The following TRAPPC11 variants were observed in gnomAD, a reference collection of about 807,000 sequenced individuals.
The protein encoded by TRAPPC11 is trafficking protein particle complex subunit 11.
Under a neutral mutation model 151.2 loss-of-function variants are expected in TRAPPC11, and 104 were observed. The observed-to-expected ratio is 0.69, with a 90% CI of 0.59 to 0.81. The LOEUF (loss-of-function observed/expected upper bound fraction) is 0.81, where lower values mean the gene tolerates loss of function less well. TRAPPC11 is among the 30% of genes least tolerant of loss of function. TRAPPC11 has a pLI of 0.00. For synonymous variants in TRAPPC11, 456 were observed against 472.3 expected, an observed-to-expected ratio of 0.97 and a Z score of 0.45; for missense variants, 1,230 against 1,349.6, an observed-to-expected ratio of 0.91 and a Z score of 1.39.
chr4:183,661,452 A>G (rs982258298), intron 1 of TRAPPC11, among the ~76,000 whole-genome samples: 3 of 143,790 alleles, frequency 2.1e-5, no homozygotes, highest in South Asian at 2.1e-4. Flanking sequence ...GCTCACTGCA[A>G]GCTCCGCCTC....
At position 183,693,144 on chromosome 4, in the gene TRAPPC11, C is replaced by A. The variant is rs768000138; in HGVS notation, c.2234C>A (p.Thr745Lys). The A allele has an allele frequency of 5.6e-5, 88 of 1,583,534 alleles. No homozygotes were observed. Among genetic ancestry groups the A allele is most frequent in the Non-Finnish European group, 7.3e-5 (85 of 1,163,052 alleles). ...HWDSIIIQAS[T>K]MIISRVPNIS... ...GACAGCATTATAATTCAGGCAAGCACAATGTAAGTCTGCTTTGCTAAGCTG... is the reference window on the plus strand; with the variant it reads ...GACAGCATTATAATTCAGGCAAGCAAAATGTAAGTCTGCTTTGCTAAGCTG... Residue 745 changes from threonine (T) to lysine (K), a missense_variant, in exon 20 of 30, where the codon ACA (threonine) becomes AAA (lysine). Transcript: ENST00000334690.
chr4:183,684,898 A>G (rs1735886496), intron 15 of TRAPPC11, 57 bp downstream of exon 15: 13 of 1,516,196 alleles, frequency 8.6e-6, no homozygotes, highest in Non-Finnish European at 1.2e-5. Flanking sequence ...TAGCATCTTT[A>G]AGCTTTTTAA....
intron 29 of TRAPPC11, among the ~76,000 whole-genome samples, chr4:183,710,273 AG>A (rs1201304681): frequency 6.8e-6 from 1 of 147,616 alleles, no homozygotes; most frequent in Non-Finnish European, 1.5e-5. Context: ...TCACAAGGAA[AG>A]GTTCCAGAAA....
At chr4:183,708,359 C>T (rs1271421575) in intron 28 of TRAPPC11, 48 bp from the exon 29 acceptor site, 1 of 1,562,610 alleles carries the variant, frequency 6.4e-7, no homozygotes, top group Non-Finnish European at 8.7e-7. Flanking sequence ...ATAGATATTG[C>T]ACATATGTGT....
rs1736252858 is a variant in TRAPPC11, at chr4:183,691,413, CAAG to C, written c.1994_1996del (p.Arg665del). ...AAGATGTGCCTAGTTCCTGGCAAAA[CAAG>C]AAAACTGTTATTTAAGTTTGTTGCA... On this transcript the variant is annotated inframe_deletion, in exon 19 of 30. Coordinates refer to ENST00000334690, the MANE Select transcript of TRAPPC11 (RefSeq NM_021942.6). 6.5e-7 allele frequency: 1 copy of C among 1,542,712 alleles called. No homozygotes were observed. The highest frequency in any genetic ancestry group is 1.7e-5 in the Admixed American group (1 of 58,080).
At chr4:183,660,228 A>T (rs1734403021) in intron 1 of TRAPPC11, among the ~76,000 whole-genome samples, 2 of 152,252 alleles carry the variant, frequency 1.3e-5, no homozygotes, top group African/African-American at 4.8e-5. Flanking sequence ...ACTTTCTGAT[A>T]CAATTTTCGT....
intron 21 of TRAPPC11, 88 bp from the exon 22 acceptor site, chr4:183,693,829 G>A: frequency 6.3e-7 from 1 of 1,594,314 alleles, no homozygotes; most frequent in Non-Finnish European, 8.6e-7. Context: ...TTTACAAGAG[G>A]GTATGGCATA....
intron 7 of TRAPPC11, among the ~76,000 whole-genome samples, chr4:183,676,193 A>G (rs11930333): frequency 0.2 from 30,361 of 151,440 alleles, 3,145 homozygotes; most frequent in East Asian, 0.26. Flanking sequence ...CTTGTTGCCC[A>G]GGCTGGAGTG....
chr4:183,676,797 C>G (rs1361845685), intron 7 of TRAPPC11, among the ~76,000 whole-genome samples: 1 of 152,098 alleles, frequency 6.6e-6, no homozygotes, highest in Non-Finnish European at 1.5e-5. Flanking sequence ...TGGCATCTCC[C>G]TCTGTTACCT....
At chr4:183,706,976 A>C in intron 28 of TRAPPC11, 36 bp downstream of exon 28, 2 of 1,603,620 alleles carry the variant, frequency 1.2e-6, no homozygotes, top group Non-Finnish European at 1.7e-6. Flanking sequence ...ATGTTGACAC[A>C]AAAGTGTGCC....
Position 183,680,101 on chromosome 4 carries a change from T to A in TRAPPC11, c.966-19T>A. 3 of 1,594,524 alleles carry A rather than the reference T, an allele frequency of 1.9e-6. No individual in the cohort carries two copies. The highest frequency in any genetic ancestry group is 2.6e-6 in the Non-Finnish European group (3 of 1,171,694). On this transcript the variant is annotated intron_variant, in intron 9 of 29. Coordinates refer to ENST00000334690, the MANE Select transcript of TRAPPC11 (RefSeq NM_021942.6). ...TTTCTTTTCATTCCTCTTTATTTCT[T>A]GATTTTCTTTTCTTTAAGATTCCAG...
chr4:183,669,568 T>C lies in TRAPPC11; in HGVS notation c.560+1451T>C, dbSNP rs143544913. On this transcript the variant is annotated intron_variant, in intron 5 of 29. Coordinates refer to ENST00000334690, the MANE Select transcript of TRAPPC11 (RefSeq NM_021942.6). ...TTCATTAGAAAGCTGTTGTCCTCTG[T>C]GCTATACCCTGCTGTAATGACTCTT... Among the ~76,000 whole-genome samples the C allele has an allele frequency of 2.5e-3, 378 of 152,344 alleles. 1 individual carries two copies. The highest frequency in any genetic ancestry group is 0.014 in the Middle Eastern group (4 of 294).
chr4:183,707,790 G>C (rs1201068334), intron 28 of TRAPPC11, among the ~76,000 whole-genome samples: 10 of 152,142 alleles, frequency 6.6e-5, no homozygotes, highest in Admixed American at 3.3e-4. Context: ...ATTTACAAAT[G>C]AGTGAGCTTT....
chr4:183,660,070 G>A (rs1466770528), intron 1 of TRAPPC11, among the ~76,000 whole-genome samples: 1 of 152,148 alleles, frequency 6.6e-6, no homozygotes, highest in African/African-American at 2.4e-5. Flanking sequence ...TTCGTTGGTT[G>A]CTCCATTGGA....
rs766143826 is a variant in TRAPPC11 at position 183,694,669 on chromosome 4, T to G, written c.2574T>G (p.Ser858=). 1 of 1,610,310 alleles carries G rather than the reference T, an allele frequency of 6.2e-7. No homozygotes were observed. Among genetic ancestry groups the G allele is most frequent in the Non-Finnish European group, 8.5e-7 (1 of 1,179,114 alleles). Reference sequence around the variant, plus strand: ...CCAGAATGTTTCTTGTATATGTTTCTTACCTGATAAATACAACCGTTGAAG... The same window carrying G: ...CCAGAATGTTTCTTGTATATGTTTCGTACCTGATAAATACAACCGTTGAAG... ...VGSRMFLVYV[S]YLINTTVEEK... is the part of the protein sequence containing the mutation. The change falls in exon 23 of 30, where the codon TCT becomes TCG. Residue 858 remains serine (S), a synonymous_variant. Coordinates refer to ENST00000334690, the MANE Select transcript of TRAPPC11 (RefSeq NM_021942.6).
chr4:183,702,475 G>A (rs1404655609), intron 26 of TRAPPC11, among the ~76,000 whole-genome samples: 1 of 152,132 alleles, frequency 6.6e-6, no homozygotes, highest in African/African-American at 2.4e-5. Flanking sequence ...CTATATTTCA[G>A]TGAAATGAAT....
At chr4:183,671,554 A>C (rs1044279917) in intron 5 of TRAPPC11, among the ~76,000 whole-genome samples, 4 of 152,202 alleles carry the variant, frequency 2.6e-5, no homozygotes, top group Non-Finnish European at 5.9e-5. Flanking sequence ...TTAAGTATAC[A>C]GTAGTCCTCC....
chr4:183,693,762 G>T (rs760904788), intron 21 of TRAPPC11, 25 bp downstream of exon 21: 1 of 1,611,116 alleles, frequency 6.2e-7, no homozygotes, highest in South Asian at 1.1e-5. Flanking sequence ...TTGTAAGTTT[G>T]ATCAGTATTA....
chr4:183,679,376 C>T lies in TRAPPC11; in HGVS notation c.855C>T (p.His285=), dbSNP rs139419771. Reference sequence around the variant, plus strand: ...AGATCTGTAGGCTGTGTTTTCAACACAACACCCCATTGGATGCAATTGCTC... The same window carrying T: ...AGATCTGTAGGCTGTGTTTTCAACATAACACCCCATTGGATGCAATTGCTC... ...NYKICRLCFQ[H]NTPLDAIAQF... Residue 285 remains histidine, a synonymous_variant, in exon 9 of 30, where the codon CAC becomes CAT. Transcript: ENST00000334690. The T allele has an allele frequency of 3.8e-5, 62 of 1,610,908 alleles. No homozygotes were observed. In the East Asian group the frequency reaches 1.4e-3, roughly 36 times the overall value.
Sources: allele counts gnomAD v4.1 joint callset (sites outside exome capture counted in the v4.1 genomes callset), GRCh38; gene constraint gnomAD v4.1.1; transcripts MANE v1.5; gene names NCBI Gene and HGNC (gene_info 2026-07-23, HGNC 2026-07-21).